SHISAL1: variants seen among roughly 807,000 people sequenced by gnomAD.
SHISAL1 encodes shisa like 1, also known as protein shisa-like-1.
In SHISAL1, 9 loss-of-function variants were observed where a neutral mutation model predicts 22.6. That is an observed-to-expected ratio of 0.40 (90% confidence interval 0.24 to 0.70). The LOEUF is 0.70. SHISAL1 is among the 30% of genes least tolerant of loss of function. The pLI is 0.39. For synonymous variants in SHISAL1, 119 were observed against 115.4 expected (o/e 1.03, Z -0.20); for missense variants, 246 against 270.6 (o/e 0.91, Z 0.64).
chr22:44,326,852 C>T, the SHISAL1 span, among the ~76,000 whole-genome samples: 1 of 152,068 alleles, frequency 6.6e-6, no homozygotes, highest in Admixed American at 6.6e-5. Flanking sequence ...GATTCTGAAG[C>T]CCTTTCCTAA....
At chr22:44,328,955 C>T in the SHISAL1 span, among the ~76,000 whole-genome samples, 1 of 152,182 alleles carries the variant, frequency 6.6e-6, no homozygotes. Context: ...GGGTCCCTGC[C>T]CAGAACATCT....
At chr22:44,256,254 G>A (rs1374779553) in intron 4 of SHISAL1, among the ~76,000 whole-genome samples, 1 of 149,174 alleles carries the variant, frequency 6.7e-6, no homozygotes, top group Non-Finnish European at 1.5e-5. Flanking sequence ...AGCTCTCCTG[G>A]GTCTCAGGCT....
chr22:44,273,037 T>C (rs1862689023), intron 4 of SHISAL1, among the ~76,000 whole-genome samples: 1 of 150,942 alleles, frequency 6.6e-6, no homozygotes, highest in African/African-American at 2.4e-5. Flanking sequence ...CGGAGGTTGC[T>C]GTGAGCTGAG....
chr22:44,255,497 T>C (rs1266871839), intron 4 of SHISAL1, among the ~76,000 whole-genome samples: 1 of 152,152 alleles, frequency 6.6e-6, no homozygotes, highest in Non-Finnish European at 1.5e-5. Flanking sequence ...TCATACCCCA[T>C]ATCCAACTCA....
intron 4 of SHISAL1, among the ~76,000 whole-genome samples, chr22:44,270,261 G>C (rs541215019): frequency 6.6e-6 from 1 of 152,172 alleles, no homozygotes; most frequent in Admixed American, 6.5e-5. Flanking sequence ...CTTGGATGCC[G>C]TCAACGTTGA....
At chr22:44,314,584 C>T (rs996089246), upstream of SHISAL1, among the ~76,000 whole-genome samples, 1 of 152,196 alleles carries the variant, frequency 6.6e-6, no homozygotes, top group East Asian at 1.9e-4. Flanking sequence ...ACCTGCCTGG[C>T]AGACCGGGGT....
intron 4 of SHISAL1, among the ~76,000 whole-genome samples, chr22:44,278,801 G>A (rs1304807973): frequency 2.0e-5 from 3 of 152,138 alleles, no homozygotes; most frequent in Non-Finnish European, 2.9e-5. Context: ...TCCAGGATGC[G>A]GCGGGAGGAG....
At chr22:44,315,417 G>A (rs959759144), upstream of SHISAL1, among the ~76,000 whole-genome samples, 1 of 152,068 alleles carries the variant, frequency 6.6e-6, no homozygotes, top group Non-Finnish European at 1.5e-5. Context: ...TTTTTTTCCG[G>A]TTCACAGTCC....
chr22:44,320,247 C>T, the SHISAL1 span, among the ~76,000 whole-genome samples: 1 of 152,298 alleles, frequency 6.6e-6, no homozygotes, highest in East Asian at 1.9e-4. Context: ...CCTGTTGGAA[C>T]ACAAACGTCC....
At chr22:44,251,107 A>G (rs1319279687) in intron 4 of SHISAL1, among the ~76,000 whole-genome samples, 1 of 152,138 alleles carries the variant, frequency 6.6e-6, no homozygotes, top group Non-Finnish European at 1.5e-5. Flanking sequence ...CCAGCATACC[A>G]CCTATTGTAC....
At chr22:44,262,563 A>G (rs937137169) in intron 4 of SHISAL1, among the ~76,000 whole-genome samples, 1 of 152,234 alleles carries the variant, frequency 6.6e-6, no homozygotes, top group Admixed American at 6.5e-5. Context: ...TGATGAGGAA[A>G]ATGAGGCTCA....
chr22:44,281,907 C>T (rs544782788), intron 4 of SHISAL1, among the ~76,000 whole-genome samples: 14 of 152,322 alleles, frequency 9.2e-5, no homozygotes, highest in South Asian at 4.1e-4. Context: ...ATCCCACGGG[C>T]GGGGGACGGC....
At chr22:44,305,018 G>A (rs1006953782) in intron 1 of SHISAL1, among the ~76,000 whole-genome samples, 3 of 152,110 alleles carry the variant, frequency 2.0e-5, no homozygotes, top group Non-Finnish European at 4.4e-5. Flanking sequence ...CTGATGTTGC[G>A]GGGCTGATGT....
At chr22:44,288,379 G>A (rs1410733422) in intron 3 of SHISAL1, among the ~76,000 whole-genome samples, 1 of 152,194 alleles carries the variant, frequency 6.6e-6, no homozygotes, top group African/African-American at 2.4e-5. Context: ...GCTCATGCCT[G>A]TAATCCCAGC....
intron 3 of SHISAL1, among the ~76,000 whole-genome samples, chr22:44,295,208 A>G (rs2055377357): frequency 6.6e-6 from 1 of 152,138 alleles, no homozygotes; most frequent in Admixed American, 6.6e-5. Flanking sequence ...AGCCAACTGC[A>G]TATCACACTC....
intron 2 of SHISAL1, among the ~76,000 whole-genome samples, chr22:44,299,389 C>T (rs1305699241): frequency 6.6e-6 from 1 of 152,240 alleles, no homozygotes; most frequent in East Asian, 1.9e-4. Flanking sequence ...CTCGGGCAGG[C>T]CGCTTTCCTT....
intron 3 of SHISAL1, among the ~76,000 whole-genome samples, chr22:44,293,362 T>A (rs1342490106): frequency 6.6e-6 from 1 of 152,110 alleles, no homozygotes; most frequent in Non-Finnish European, 1.5e-5. Context: ...TGGAGATGAT[T>A]CTGTGCCCCC....
At chr22:44,331,110 GC>G in the SHISAL1 span, among the ~76,000 whole-genome samples, 3 of 151,954 alleles carry the variant, frequency 2.0e-5, no homozygotes, top group Non-Finnish European at 2.9e-5. This position sits in a 1 kb window ranked among gnomAD's most constrained non-coding sequence, Gnocchi z 5.2. Context: ...GGCGCGGTGC[GC>G]CCCGAACTGC....
At chr22:44,281,436 ATG>A (rs369094075) in intron 4 of SHISAL1, among the ~76,000 whole-genome samples, 1,598 of 151,774 alleles carry the variant, frequency 0.011, 25 homozygotes, top group African/African-American at 0.037. Context: ...GTGAGTGTGT[ATG>A]TGTGTGTGTT....
Sources: allele counts gnomAD v4.1 joint callset (sites outside exome capture counted in the v4.1 genomes callset), GRCh38; gene constraint gnomAD v4.1.1; non-coding constraint Gnocchi (gnomAD v3.1); transcripts MANE v1.5; gene names NCBI Gene and HGNC (gene_info 2026-07-23, HGNC 2026-07-21).